Variants in LDB2 observed in about 807,000 individuals in gnomAD.
LDB2 encodes the protein LIM domain-binding protein 2.
A neutral mutation model predicts 44.3 loss-of-function variants in LDB2; 12 were observed. The ratio of observed to expected loss-of-function variants is 0.27; its 90% CI spans 0.17 to 0.44. The LOEUF is 0.44. Ranked by LOEUF, LDB2 falls within the 20% of genes least tolerant of loss-of-function variation. The pLI is 1.00. For missense variants in LDB2, 344 were observed against 473.5 expected, an observed-to-expected ratio of 0.73 and a Z score of 2.54; for synonymous variants, 164 against 174.8, an observed-to-expected ratio of 0.94 and a Z score of 0.49.
chr4:16,820,460 T>C (rs1255221487), intron 1 of LDB2, among the ~76,000 whole-genome samples: 1 of 152,068 alleles, frequency 6.6e-6, no homozygotes, highest in Non-Finnish European at 1.5e-5. Flanking sequence ...ATAAGTGTTA[T>C]AGAGGGGGAA....
At chr4:16,780,551 T>C (rs1772968035) in intron 1 of LDB2, among the ~76,000 whole-genome samples, 1 of 152,096 alleles carries the variant, frequency 6.6e-6, no homozygotes. Context: ...TATAGGTGGC[T>C]CCACAAGGCC....
At chr4:16,614,549 C>A in intron 2 of LDB2, among the ~76,000 whole-genome samples, 1 of 108,058 alleles carries the variant, frequency 9.3e-6, no homozygotes, top group South Asian at 2.8e-4. Flanking sequence ...CCAGAATTTA[C>A]AAGGAACTTA....
intron 5 of LDB2, among the ~76,000 whole-genome samples, chr4:16,548,992 A>G (rs1478860193): frequency 6.6e-6 from 1 of 152,224 alleles, no homozygotes; most frequent in Non-Finnish European, 1.5e-5. Flanking sequence ...GGCGTCTTAT[A>G]TGATTAGGAG....
intron 2 of LDB2, among the ~76,000 whole-genome samples, chr4:16,638,653 T>G (rs941100259): frequency 6.6e-6 from 1 of 152,246 alleles, no homozygotes; most frequent in African/African-American, 2.4e-5. Context: ...AGATTTAAAG[T>G]CTGCATCTCC....
At chr4:16,631,965 G>C (rs1004378012) in intron 2 of LDB2, among the ~76,000 whole-genome samples, 1 of 152,148 alleles carries the variant, frequency 6.6e-6, no homozygotes, top group Non-Finnish European at 1.5e-5. Flanking sequence ...ACCATGCAAA[G>C]TCCAAGACCA....
chr4:16,668,629 C>A (rs1171968363), intron 2 of LDB2, among the ~76,000 whole-genome samples: 3 of 152,210 alleles, frequency 2.0e-5, no homozygotes, highest in Non-Finnish European at 2.9e-5. Flanking sequence ...TAAGCCCTTA[C>A]TACATGCCAG....
At chr4:16,540,993 A>G (rs1338580244) in intron 5 of LDB2, among the ~76,000 whole-genome samples, 2 of 152,234 alleles carry the variant, frequency 1.3e-5, no homozygotes, top group African/African-American at 2.4e-5. Context: ...AATTAGTAGT[A>G]TAAGGATTGA....
chr4:16,756,029 C>T (rs1288154582), intron 2 of LDB2, among the ~76,000 whole-genome samples: 5 of 152,158 alleles, frequency 3.3e-5, no homozygotes, highest in South Asian at 2.1e-4. Flanking sequence ...AGATGGAGCA[C>T]GTGGAGGAAG....
chr4:16,658,733 T>G (rs1180224481), intron 2 of LDB2, among the ~76,000 whole-genome samples: 1 of 152,168 alleles, frequency 6.6e-6, no homozygotes, highest in Non-Finnish European at 1.5e-5. Flanking sequence ...ATAAACACTT[T>G]TTAAGCATCC....
chr4:16,645,671 G>C (rs185836099), intron 2 of LDB2, among the ~76,000 whole-genome samples: 1 of 152,094 alleles, frequency 6.6e-6, no homozygotes, highest in Non-Finnish European at 1.5e-5. Context: ...GGTAAATTCA[G>C]GTTAAGATAG....
intron 2 of LDB2, among the ~76,000 whole-genome samples, chr4:16,661,050 C>T (rs1200291870): frequency 6.6e-6 from 1 of 152,192 alleles, no homozygotes; most frequent in African/African-American, 2.4e-5. Flanking sequence ...AAATTATACC[C>T]TGTTCTTTCC....
chr4:16,567,245 A>G (rs908009223), intron 5 of LDB2, among the ~76,000 whole-genome samples: 2 of 152,194 alleles, frequency 1.3e-5, no homozygotes, highest in African/African-American at 4.8e-5. Context: ...CTAAATGTCC[A>G]TCAATAAAAT....
At chr4:16,894,612 A>G (rs1268363704) in intron 1 of LDB2, among the ~76,000 whole-genome samples, 2 of 152,186 alleles carry the variant, frequency 1.3e-5, no homozygotes, top group Non-Finnish European at 2.9e-5. Context: ...CATAAAATAA[A>G]TGTGGGGGAT....
At chr4:16,866,757 A>C (rs1714838016) in intron 1 of LDB2, among the ~76,000 whole-genome samples, 1 of 152,196 alleles carries the variant, frequency 6.6e-6, no homozygotes, top group Non-Finnish European at 1.5e-5. Context: ...TGGTAACAGC[A>C]CCAAGACTAT....
At chr4:16,618,923 T>A (rs1728109433) in intron 2 of LDB2, among the ~76,000 whole-genome samples, 1 of 152,188 alleles carries the variant, frequency 6.6e-6, no homozygotes, top group South Asian at 2.1e-4. Context: ...ACGAGAGATC[T>A]GGTTAAGAGT....
chr4:16,809,633 G>T (rs998445847), intron 1 of LDB2, among the ~76,000 whole-genome samples: 1 of 152,002 alleles, frequency 6.6e-6, no homozygotes, highest in Non-Finnish European at 1.5e-5. Context: ...GTGCTTCTAG[G>T]CATACAGTGA....
intron 5 of LDB2, among the ~76,000 whole-genome samples, chr4:16,584,091 G>A (rs1349960049): frequency 1.3e-5 from 2 of 152,256 alleles, no homozygotes; most frequent in African/African-American, 2.4e-5. Context: ...GAGAGTCGGC[G>A]CTGTGTTTCT....
chr4:16,589,696 C>G (rs1316334989), intron 3 of LDB2, among the ~76,000 whole-genome samples: 1 of 152,068 alleles, frequency 6.6e-6, no homozygotes, highest in Non-Finnish European at 1.5e-5. Context: ...GAGCCTATTT[C>G]AACTATGAGC....
chr4:16,742,376 T>C (rs1763485433), intron 2 of LDB2, among the ~76,000 whole-genome samples: 1 of 152,126 alleles, frequency 6.6e-6, no homozygotes, highest in East Asian at 1.9e-4. Context: ...AGCCAACACA[T>C]TTCTTATACA....
Sources: allele counts gnomAD v4.1 joint callset (sites outside exome capture counted in the v4.1 genomes callset), GRCh38; gene constraint gnomAD v4.1.1; transcripts MANE v1.5; gene names NCBI Gene and HGNC (gene_info 2026-07-23, HGNC 2026-07-21).